The following TAF4B variants were observed in gnomAD, a reference collection of about 807,000 sequenced individuals.
TAF4B encodes TATA-box binding protein associated factor 4b.
Under a neutral mutation model 86.4 loss-of-function variants are expected in TAF4B, and 38 were observed. That is an observed-to-expected ratio of 0.44 (90% CI 0.34 to 0.58). The LOEUF is 0.58. TAF4B is among the 20% of genes least tolerant of loss of function. The pLI, the probability that TAF4B is intolerant of heterozygous loss-of-function variation, is 0.02. For synonymous variants in TAF4B, 388 were observed against 391.2 expected, an observed-to-expected ratio of 0.99 and a Z score of 0.10; for missense variants, 988 against 1,027.6, an observed-to-expected ratio of 0.96 and a Z score of 0.53.
At chr18:26,322,141 A>T (rs570533376) in intron 11 of TAF4B, among the ~76,000 whole-genome samples, 1 of 152,300 alleles carries the variant, frequency 6.6e-6, no homozygotes, top group Non-Finnish European at 1.5e-5. Context: ...GATGGTATGT[A>T]GGTAACCTTA....
rs1399485655 is a variant in TAF4B, at chr18:26,317,397, AAAAGCATTTTTG to A, written c.2002+2001_2002+2012del. ...ATATGATAGAAAAATTTTTGGCATT[AAAAGCATTTTTG>A]ATCACTTAGGACAGGGATAAGCAAC... On this transcript the variant is annotated intron_variant, in intron 10 of 14. Transcript: ENST00000269142. Among the ~76,000 whole-genome samples, 12 of 152,270 alleles carry A rather than the reference AAAAGCATTTTTG, an allele frequency of 7.9e-5. No individual in the cohort carries two copies. The East Asian group carries it at 2.3e-3, about 29-fold the overall frequency.
intron 14 of TAF4B, 139 bp from the exon 15 acceptor site, chr18:26,389,706 T>A: frequency 2.4e-6 from 2 of 826,892 alleles, no homozygotes; most frequent in Non-Finnish European, 3.7e-6. Flanking sequence ...GAGGACAGGG[T>A]TAGGTCTTCA....
rs2144513069 is a variant in TAF4B, at chr18:26,256,399, CG to C, written c.344-8770del. On this transcript the variant is annotated intron_variant, in intron 1 of 14. Transcript: ENST00000269142. The stretch of plus-strand genomic sequence containing the variant: ...AAGTCTTCCAAAAGCAGCCGTTCCA[CG>C]CGCAATAACGTCCCCGAGGTGCAGA... 3 of 1,103,204 alleles carry C rather than the reference CG, an allele frequency of 2.7e-6. No homozygotes were observed. In the South Asian group the frequency reaches 3.7e-5, roughly 14 times the overall value. 68.3% of individuals were successfully genotyped at this position (1,103,204 alleles called of 1,614,324 possible).
chr18:26,296,488 G>C (rs1173341967), intron 9 of TAF4B, among the ~76,000 whole-genome samples: 6 of 151,384 alleles, frequency 4.0e-5, no homozygotes, highest in Non-Finnish European at 8.8e-5. Flanking sequence ...ATGGGGTGGG[G>C]TGGGGAGGGG....
Position 26,227,179 on chromosome 18 carries a change from C to A in TAF4B, c.246C>A (p.Val82=). The A allele has an allele frequency of 6.2e-7, 1 of 1,614,000 alleles. No homozygotes were observed. Among genetic ancestry groups the A allele is most frequent in the South Asian group, 1.1e-5 (1 of 91,080 alleles). Residue 82 remains valine (V), a synonymous_variant, in exon 1 of 15, where the codon GTC becomes GTA. Coordinates refer to ENST00000269142, the MANE Select transcript of TAF4B (RefSeq NM_005640.3). ...KVAPVSAPPK[V]SSGPRLPAPQ... ...CTCCGGTCAGCGCCCCTCCTAAAGT[C>A]AGCAGCGGCCCTAGGCTGCCTGCTC...
chr18:26,247,226 TATC>T (rs1488088853), intron 1 of TAF4B, among the ~76,000 whole-genome samples: 3 of 152,146 alleles, frequency 2.0e-5, no homozygotes, highest in African/African-American at 7.2e-5. Context: ...TTCTGAAAAA[TATC>T]ATAAGGGTTA....
At chr18:26,372,893 T>G (rs1332999205) in intron 14 of TAF4B, among the ~76,000 whole-genome samples, 1 of 149,232 alleles carries the variant, frequency 6.7e-6, no homozygotes, top group Non-Finnish European at 1.5e-5. Flanking sequence ...GGCGTGAACT[T>G]GGGAGGCGGA....
intron 1 of TAF4B, among the ~76,000 whole-genome samples, chr18:26,233,676 C>T (rs2055705903): frequency 6.6e-6 from 1 of 152,128 alleles, no homozygotes; most frequent in South Asian, 2.1e-4. Context: ...TTTCATTGCT[C>T]GTGAATTATT....
intron 8 of TAF4B, 36 bp from the exon 9 acceptor site, chr18:26,293,390 T>C: frequency 6.8e-7 from 1 of 1,480,944 alleles, no homozygotes; most frequent in East Asian, 2.3e-5. Flanking sequence ...TGATTGCTTT[T>C]TTTGTATTCT....
At chr18:26,365,599 C>T (rs191920873) in intron 14 of TAF4B, among the ~76,000 whole-genome samples, 86 of 152,204 alleles carry the variant, frequency 5.7e-4, no homozygotes, top group Non-Finnish European at 1.1e-3. Flanking sequence ...GAGACAGAGT[C>T]CGTGGCTTTG....
At chr18:26,350,740 G>A (rs751312511) in intron 13 of TAF4B, among the ~76,000 whole-genome samples, 1 of 152,106 alleles carries the variant, frequency 6.6e-6, no homozygotes, top group Non-Finnish European at 1.5e-5. Flanking sequence ...CTCAAAAGAA[G>A]ACATGCAAAC....
intron 1 of TAF4B, among the ~76,000 whole-genome samples, chr18:26,262,577 C>T (rs144187536): frequency 2.2e-4 from 34 of 151,640 alleles, no homozygotes; most frequent in African/African-American, 8.0e-4. Flanking sequence ...CAGTTTCAAG[C>T]GATTCTTGTG....
At chr18:26,312,347 G>T (rs140161717) in intron 9 of TAF4B, among the ~76,000 whole-genome samples, 114 of 152,198 alleles carry the variant, frequency 7.5e-4, no homozygotes, top group African/African-American at 2.6e-3. Context: ...AATAGCTTGG[G>T]TGCTGTTTTT....
At chr18:26,369,374 A>G (rs780926646) in intron 14 of TAF4B, among the ~76,000 whole-genome samples, 10 of 152,222 alleles carry the variant, frequency 6.6e-5, no homozygotes, top group Admixed American at 1.3e-4. Flanking sequence ...AAGAGTTAGA[A>G]GTTAAGACTC....
chr18:26,299,035 A>G lies in TAF4B; in HGVS notation c.1832+5504A>G, dbSNP rs1415214937. On this transcript the variant is annotated intron_variant, in intron 9 of 14. Coordinates refer to ENST00000269142, the MANE Select transcript of TAF4B (RefSeq NM_005640.3). ...TGTCACCATGCATGGCTAATTTTGC[A>G]TTTTTAGTAGAGACGGGGTTTCTCC... Among the ~76,000 whole-genome samples the G allele has an allele frequency of 4.0e-5, 6 of 150,886 alleles. No homozygotes were observed. In the East Asian group the frequency reaches 9.9e-4, roughly 25 times the overall value.
At chr18:26,259,490 G>GT (rs1940540929) in intron 1 of TAF4B, among the ~76,000 whole-genome samples, 1 of 150,812 alleles carries the variant, frequency 6.6e-6, no homozygotes, top group Non-Finnish European at 1.5e-5. Context: ...GTGTCCAAGT[G>GT]TTCTCATTGT....
rs531172286 is a variant in TAF4B, at chr18:26,381,861, A to G, written c.2422-7984A>G. On this transcript the variant is annotated intron_variant, in intron 14 of 14. Coordinates refer to ENST00000269142, the MANE Select transcript of TAF4B (RefSeq NM_005640.3). Reference sequence around the variant, plus strand: ...TGCTACATATGTTCTAACCTCCCTGATATGTTATTATTAATGGTCATATAT... The same window carrying G: ...TGCTACATATGTTCTAACCTCCCTGGTATGTTATTATTAATGGTCATATAT... Among the ~76,000 whole-genome samples the G allele has an allele frequency of 6.2e-4, 94 of 152,156 alleles. 1 individual carries two copies. Among genetic ancestry groups the G allele is most frequent in the African/African-American group, 2.2e-3 (93 of 41,530 alleles).
intron 7 of TAF4B, among the ~76,000 whole-genome samples, chr18:26,291,799 C>T (rs912291742): frequency 3.3e-5 from 5 of 151,330 alleles, no homozygotes; most frequent in African/African-American, 7.3e-5. Context: ...ATGGATACAA[C>T]GATATATCTG....
intron 14 of TAF4B, among the ~76,000 whole-genome samples, chr18:26,363,086 A>G (rs35929980): frequency 0.22 from 33,334 of 151,912 alleles, 4,328 homozygotes; most frequent in Non-Finnish European, 0.3. Context: ...TTTGCTATCT[A>G]TATCTTGGTG....
Sources: gnomAD v4.1 joint callset for allele counts (sites outside exome capture counted in the v4.1 genomes callset) on GRCh38, gnomAD v4.1.1 for gene constraint, MANE v1.5 for transcripts, NCBI Gene and HGNC (gene_info 2026-07-23, HGNC 2026-07-21) for gene names.